NETO1: variants seen among roughly 807,000 people sequenced by gnomAD.
NETO1 encodes the protein neuropilin and tolloid-like protein 1.
A neutral mutation model predicts 61.3 loss-of-function variants in NETO1; 26 were observed. The observed-to-expected ratio is 0.42, with a 90% CI of 0.31 to 0.59. NETO1 has a LOEUF of 0.59. Ranked by LOEUF, NETO1 falls within the 20% of genes least tolerant of loss-of-function variation. NETO1 has a pLI of 0.12. For synonymous variants in NETO1, 225 were observed against 225.8 expected, an observed-to-expected ratio of 1.00 and a Z score of 0.03; for missense variants, 531 against 662.8, an observed-to-expected ratio of 0.80 and a Z score of 2.18.
chr18:72,823,939 C>G (rs2073292286), intron 4 of NETO1, among the ~76,000 whole-genome samples: 1 of 152,008 alleles, frequency 6.6e-6, no homozygotes, highest in Admixed American at 6.5e-5. Flanking sequence ...ATGTCCTAGA[C>G]AAACAGGACA....
chr18:72,754,813 CTTGT>C (rs1158528131), intron 8 of NETO1, among the ~76,000 whole-genome samples: 5 of 152,114 alleles, frequency 3.3e-5, no homozygotes, highest in Admixed American at 6.6e-5. Context: ...TGCTTTATAG[CTTGT>C]TTAAGTTTAT....
rs534727695 is a variant in NETO1 at position 72,792,031 on chromosome 18, T to A, written c.639+2086A>T. Reference sequence around the variant, plus strand: ...TGGAAGCTGGAGAATGATCTCTGAATCTCTGTAACTGAAAGCTGGGGGAAA... The same window carrying A: ...TGGAAGCTGGAGAATGATCTCTGAAACTCTGTAACTGAAAGCTGGGGGAAA... On this transcript the variant is annotated intron_variant, in intron 6 of 10. Transcript: ENST00000327305. Among the ~76,000 whole-genome samples, 370 of 152,256 alleles carry A rather than the reference T, an allele frequency of 2.4e-3. 1 individual carries two copies. Among genetic ancestry groups the A allele is most frequent in the African/African-American group, 8.5e-3 (352 of 41,560 alleles).
chr18:72,748,210 C>G, intron 10 of NETO1, 46 bp from the exon 11 acceptor site: 1 of 980,758 alleles, frequency 1.0e-6, no homozygotes, highest in Non-Finnish European at 1.2e-6. Flanking sequence ...ATGAAAAATG[C>G]ATACAAATAC....
In NETO1 at chr18:72,864,909, T is replaced by C. The variant is rs2074687813; in HGVS notation, c.119A>G (p.Gln40Arg). Residue 40 changes from glutamine to arginine, a missense_variant, in exon 3 of 11, where the codon CAG (glutamine) becomes CGG (arginine). Gln to Arg is a conservative substitution (Grantham distance 43, BLOSUM62 1). Coordinates refer to ENST00000327305, the MANE Select transcript of NETO1 (RefSeq NM_138966.5). ...QTTSETQKSV[Q>R]CGTWTKHAEG... Reference sequence around the variant, plus strand: ...TGCATGTTTTGTCCAAGTTCCACACTGCACTGACTTCTGTGTTTCTGAGGT... The same window carrying C: ...TGCATGTTTTGTCCAAGTTCCACACCGCACTGACTTCTGTGTTTCTGAGGT... The C allele has an allele frequency of 6.2e-7, 1 of 1,609,356 alleles. No homozygotes were observed. The highest frequency in any genetic ancestry group is 1.1e-5 in the South Asian group (1 of 89,312).
At chr18:72,797,839 C>A (rs922732599) in intron 4 of NETO1, among the ~76,000 whole-genome samples, 1 of 152,156 alleles carries the variant, frequency 6.6e-6, no homozygotes, top group Non-Finnish European at 1.5e-5. Flanking sequence ...ATCCTCTGTA[C>A]CAGGAACTTG....
chr18:72,866,503 G>A (rs2074736698), intron 1 of NETO1, among the ~76,000 whole-genome samples: 2 of 152,014 alleles, frequency 1.3e-5, no homozygotes, highest in East Asian at 1.9e-4. Flanking sequence ...TTCAGCATCA[G>A]GATGTGTATT....
chr18:72,789,210 G>GCACACACACA lies in NETO1; in HGVS notation c.639+4897_639+4906dup, dbSNP rs71166426. 3.0e-3 allele frequency among the ~76,000 whole-genome samples: 427 copies of GCACACACACA among 141,552 alleles called. 5 individuals carry two copies. Among genetic ancestry groups the GCACACACACA allele is most frequent in the African/African-American group, 8.6e-3 (329 of 38,390 alleles). 92.9% of individuals were successfully genotyped at this position (141,552 alleles called of 152,430 possible). On this transcript the variant is annotated intron_variant, in intron 6 of 10. Coordinates refer to ENST00000327305, the MANE Select transcript of NETO1 (RefSeq NM_138966.5). ...TGCTTTATAAAATATTAACACACAA[G>GCACACACACA]CACACACACACACACACACACACAC...
chr18:72,865,654 T>A, intron 1 of NETO1: 1 of 1,576,976 alleles, frequency 6.3e-7, no homozygotes, highest in Non-Finnish European at 8.6e-7. Context: ...AGGCAAACAA[T>A]GAGAACAGCT....
intron 4 of NETO1, among the ~76,000 whole-genome samples, chr18:72,848,682 C>G (rs2074161271): frequency 1.3e-5 from 2 of 152,200 alleles, no homozygotes. Context: ...TTGAGCTCTA[C>G]CTTCTGGACT....
chr18:72,818,624 A>G (rs1302715167), intron 4 of NETO1, among the ~76,000 whole-genome samples: 3 of 152,196 alleles, frequency 2.0e-5, no homozygotes, highest in Non-Finnish European at 2.9e-5. Flanking sequence ...CCAGATTTTA[A>G]AGTCAAGCAC....
intron 4 of NETO1, among the ~76,000 whole-genome samples, chr18:72,833,502 T>C (rs539401366): frequency 6.6e-6 from 1 of 152,298 alleles, no homozygotes; most frequent in South Asian, 2.1e-4. Flanking sequence ...GAACCATGCT[T>C]GCACCATAAT....
At chr18:72,775,015 A>G (rs566820407) in intron 7 of NETO1, among the ~76,000 whole-genome samples, 1 of 152,282 alleles carries the variant, frequency 6.6e-6, no homozygotes, top group South Asian at 2.1e-4. Context: ...ATTTTTCTGA[A>G]GCAAAAAAAT....
At chr18:72,777,999 A>T (rs2071614420) in intron 7 of NETO1, among the ~76,000 whole-genome samples, 1 of 152,112 alleles carries the variant, frequency 6.6e-6, no homozygotes, top group African/African-American at 2.4e-5. Flanking sequence ...CATCCTTTGA[A>T]ACATAGGTGA....
intron 3 of NETO1, among the ~76,000 whole-genome samples, chr18:72,861,594 T>C (rs72968399): frequency 0.014 from 2,075 of 152,278 alleles, 29 homozygotes; most frequent in Non-Finnish European, 0.022. Flanking sequence ...ACCTGGATAG[T>C]GCACATATAT....
At chr18:72,857,656 C>T (rs1269396432) in intron 4 of NETO1, among the ~76,000 whole-genome samples, 2 of 152,168 alleles carry the variant, frequency 1.3e-5, no homozygotes, top group African/African-American at 4.8e-5. Flanking sequence ...TCTGAACAAA[C>T]AAATTAAGCT....
At chr18:72,824,170 TTTTG>T (rs1052444192) in intron 4 of NETO1, among the ~76,000 whole-genome samples, 3 of 152,200 alleles carry the variant, frequency 2.0e-5, no homozygotes, top group Non-Finnish European at 2.9e-5. Context: ...TAAGCCGGGT[TTTTG>T]TTTGTTTGTT....
chr18:72,850,850 C>A (rs2156494), intron 4 of NETO1, among the ~76,000 whole-genome samples: 2 of 152,120 alleles, frequency 1.3e-5, no homozygotes, highest in African/African-American at 4.8e-5. Context: ...ATAGAGGTAA[C>A]CTTAGGACTG....
intron 6 of NETO1, among the ~76,000 whole-genome samples, chr18:72,786,941 G>A (rs1320503597): frequency 6.6e-6 from 1 of 150,664 alleles, no homozygotes; most frequent in East Asian, 2.0e-4. Context: ...AAAGGCTGGA[G>A]CAAAGAAGAA....
intron 7 of NETO1, among the ~76,000 whole-genome samples, chr18:72,780,265 G>A (rs1018809862): frequency 2.0e-5 from 3 of 152,154 alleles, no homozygotes; most frequent in Admixed American, 6.6e-5. Context: ...TGTCCACTGT[G>A]AAAGAACATA....
Sources: allele counts gnomAD v4.1 joint callset (sites outside exome capture counted in the v4.1 genomes callset), GRCh38; gene constraint gnomAD v4.1.1; transcripts MANE v1.5; gene names NCBI Gene and HGNC (gene_info 2026-07-23, HGNC 2026-07-21).